The following ASAP3 variants were observed in gnomAD, a reference collection of about 807,000 sequenced individuals.
ASAP3 encodes ArfGAP with SH3 domain, ankyrin repeat and PH domain 3.
ASAP3 carries 85 observed loss-of-function variants against 118.2 expected under a neutral mutation model. That is an observed-to-expected ratio of 0.72 (90% CI 0.60 to 0.86). The LOEUF is 0.86. Ranked by LOEUF, ASAP3 falls within the 40% of genes least tolerant of loss-of-function variation. The pLI is 0.00. For synonymous variants in ASAP3, 432 were observed against 477.4 expected, an observed-to-expected ratio of 0.90 and a Z score of 1.24; for missense variants, 1,026 against 1,175.0, an observed-to-expected ratio of 0.87 and a Z score of 1.85.
chr1:23,484,092 G>T lies in ASAP3; in HGVS notation c.42C>A (p.Thr14=), dbSNP rs992482564. The T allele has an allele frequency of 3.7e-6, 5 of 1,346,624 alleles. No homozygotes were observed. Among genetic ancestry groups the T allele is most frequent in the Admixed American group, 6.9e-5 (2 of 29,026 alleles). The allele number at this position is 1,346,624 out of a possible 1,614,324, so 83.4% of individuals were successfully genotyped here. ...CAGCCGGGGAGCTGAGGTCCTCCGC[G>T]GTGACGGCCAGGAACTCGGCGACGC... The part of the protein sequence containing the change: ...QFSVAEFLAV[T]AEDLSSPAGA... Residue 14 remains threonine (T), a synonymous_variant, in exon 1 of 25, where the codon ACC becomes ACA. Coordinates refer to ENST00000336689, the MANE Select transcript of ASAP3 (RefSeq NM_017707.4).
rs1570332864 is a variant in ASAP3, at chr1:23,435,950, T to C, written c.1650A>G (p.Arg550=). Reference sequence around the variant, plus strand: ...CCCTGTTGCAAATGGCTGTCCAGAGTCGCTGAGGCTCAGGTGTGCACCGGC... The same window carrying C: ...CCCTGTTGCAAATGGCTGTCCAGAGCCGCTGAGGCTCAGGTGTGCACCGGC... The part of the protein sequence containing the change: ...FARRCTPEPQ[R]LWTAICNRDL... The change falls in exon 17 of 25, where the codon CGA becomes CGG. Residue 550 remains arginine, a synonymous_variant. Coordinates refer to ENST00000336689, the MANE Select transcript of ASAP3 (RefSeq NM_017707.4). 2 of 1,613,956 alleles carry C rather than the reference T, an allele frequency of 1.2e-6. No individual in the cohort carries two copies. Among genetic ancestry groups the C allele is most frequent in the African/African-American group, 1.3e-5 (1 of 74,936 alleles).
chr1:23,431,284 G>GAACTGACC (rs1640422878), intron 23 of ASAP3, among the ~76,000 whole-genome samples, 159 bp from the exon 24 acceptor site: 1 of 152,230 alleles, frequency 6.6e-6, no homozygotes, highest in South Asian at 2.1e-4. Flanking sequence ...AAGAAGGCTG[G>GAACTGACC]AACTGACCTC....
intron 18 of ASAP3, 59 bp from the exon 19 acceptor site, chr1:23,434,428 G>A (rs1294179448): frequency 1.0e-5 from 16 of 1,605,066 alleles, no homozygotes; most frequent in Non-Finnish European, 1.3e-5. Context: ...GGGGATCAAA[G>A]TCAGGGGAAA....
intron 11 of ASAP3, 50 bp downstream of exon 11, chr1:23,439,108 CAGA>C (rs1640776751): frequency 1.9e-6 from 3 of 1,591,794 alleles, no homozygotes; most frequent in Non-Finnish European, 1.7e-6. Context: ...CTCAGAACAC[CAGA>C]AGAAGAGGGT....
chr1:23,480,460 T>C (rs914740730), intron 1 of ASAP3, among the ~76,000 whole-genome samples: 1 of 152,186 alleles, frequency 6.6e-6, no homozygotes, highest in African/African-American at 2.4e-5. Flanking sequence ...CACCTGGAAG[T>C]GTCACCTCCT....
At chr1:23,472,952 TC>T (rs919722385) in intron 1 of ASAP3, among the ~76,000 whole-genome samples, 1 of 152,078 alleles carries the variant, frequency 6.6e-6, no homozygotes, top group African/African-American at 2.4e-5. Flanking sequence ...CAAACCCAAG[TC>T]TGTCTGACTT....
chr1:23,455,300 C>T (rs576131887), intron 3 of ASAP3, among the ~76,000 whole-genome samples: 14 of 152,314 alleles, frequency 9.2e-5, no homozygotes, highest in African/African-American at 3.4e-4. Context: ...GAGCTGCTGT[C>T]ACAGGGTGGC....
intron 3 of ASAP3, among the ~76,000 whole-genome samples, chr1:23,455,675 G>C (rs1050045567): frequency 2.6e-5 from 4 of 152,194 alleles, no homozygotes; most frequent in Non-Finnish European, 4.4e-5. Flanking sequence ...GGAGAACAGA[G>C]AGAAGAGTTA....
intron 1 of ASAP3, among the ~76,000 whole-genome samples, chr1:23,472,606 T>C (rs1641995936): frequency 6.6e-6 from 1 of 152,188 alleles, no homozygotes; most frequent in East Asian, 1.9e-4. Flanking sequence ...AAGGTTTCTC[T>C]TTTTGCTCTG....
upstream of ASAP3, chr1:23,484,278 G>T: frequency 1.4e-6 from 1 of 708,696 alleles, no homozygotes; most frequent in Non-Finnish European, 1.8e-6. Flanking sequence ...CGACCCTCCA[G>T]CCGCTCTCCG....
rs41268117 is a variant in ASAP3, at chr1:23,438,799, C to T, written c.1050G>A (p.Thr350=). 3.8e-3 allele frequency: 6,075 copies of T among 1,614,180 alleles called. 10 individuals are homozygous for T. Among genetic ancestry groups the T allele is most frequent in the Non-Finnish European group, 4.8e-3 (5,631 of 1,180,020 alleles). The change falls in exon 12 of 25, where the codon ACG becomes ACA. Residue 350 remains threonine, a synonymous_variant. Transcript: ENST00000336689. The surrounding 1 kb of genome is among the most constrained non-coding windows in gnomAD (Gnocchi z 4.9). ...CCTCAGGGTTTGGCCTCACTTGGCA[C>T]GTCAGCAGGGTCAGCTTCACCGGGG... ...NRPPVKLTLL[T]CQVRPNPEEK...
chr1:23,442,029 A>C (rs1162033405), intron 7 of ASAP3, among the ~76,000 whole-genome samples, 157 bp downstream of exon 7: 1 of 152,232 alleles, frequency 6.6e-6, no homozygotes, highest in Non-Finnish European at 1.5e-5. Context: ...TAAAGTACTC[A>C]TGCCTGACAC....
Position 23,431,736 on chromosome 1 carries a change from C to T in ASAP3, c.2506G>A (p.Gly836Arg), listed in dbSNP as rs896085148. ...PGTSRPSLTSGTTPSEMYLPV... is the reference protein window; with the variant it reads ...PGTSRPSLTSRTTPSEMYLPV... ...AGGTACATCTCCGAAGGGGTGGTCC[C>T]GGATGTCAGGCTGGGTCTGGAGGTG... is the stretch of plus-strand genomic sequence containing the variant. The change falls in exon 23 of 25, where the codon GGG becomes AGG. Residue 836 changes from glycine (G) to arginine (R), a missense_variant. Transcript: ENST00000336689. 8.5e-6 allele frequency: 13 copies of T among 1,521,620 alleles called. No individual in the cohort carries two copies. The highest frequency in any genetic ancestry group is 4.2e-5 in the African/African-American group (3 of 71,054). The allele number at this position is 1,521,620 out of a possible 1,614,324, so 94.3% of individuals were successfully genotyped here. A position where few individuals can be genotyped will look rare whatever the true frequency, so the allele number is the denominator to read the frequency against.
intron 1 of ASAP3, among the ~76,000 whole-genome samples, chr1:23,481,882 G>A (rs1389962958): frequency 6.6e-6 from 1 of 152,204 alleles, no homozygotes; most frequent in East Asian, 1.9e-4. Flanking sequence ...CCCTAAGAAT[G>A]TGGATGGCAC....
intron 1 of ASAP3, among the ~76,000 whole-genome samples, chr1:23,478,609 A>C (rs1459667092): frequency 1.3e-5 from 2 of 151,342 alleles, no homozygotes; most frequent in Non-Finnish European, 2.9e-5. Flanking sequence ...AAATACAAAA[A>C]ATTATCCGGG....
chr1:23,463,511 C>G (rs1641663080), intron 1 of ASAP3, among the ~76,000 whole-genome samples: 1 of 152,194 alleles, frequency 6.6e-6, no homozygotes, highest in South Asian at 2.1e-4. Context: ...AACTAAGATT[C>G]TAGCCCCAGC....
In ASAP3 at chr1:23,429,947, G is replaced by A. The variant is rs1341604570; in HGVS notation, c.2638-17C>T. 1.2e-6 allele frequency: 2 copies of A among 1,611,328 alleles called. No homozygotes were observed. The highest frequency in any genetic ancestry group is 1.7e-5 in the Admixed American group (1 of 59,854). The stretch of plus-strand genomic sequence containing the variant: ...GATGCCAACCTGCAGAAAGAAGGAT[G>A]AAACTGACATTTTCAAAGCACCTGT... On this transcript the variant is annotated splice_polypyrimidine_tract_variant and intron_variant, in intron 24 of 24. Coordinates refer to ENST00000336689, the MANE Select transcript of ASAP3 (RefSeq NM_017707.4).
rs144367386 is a variant in ASAP3 at position 23,433,119 on chromosome 1, A to G, written c.2281T>C (p.Ser761Pro). 2.3e-5 allele frequency: 37 copies of G among 1,614,086 alleles called. No individual in the cohort carries two copies. The East Asian group carries it at 5.3e-4, about 23-fold the overall frequency. ...GCACACCCTTGGACCAAAGTCCGAG[A>G]AGAGTTTTTGACTGGCAAGGGCGGG... ...CPPPLPVKNS[S>P]RTLVQGCARH... The change falls in exon 22 of 25, where the codon TCT becomes CCT. Residue 761 changes from serine (S) to proline (P), a missense_variant. Coordinates refer to ENST00000336689, the MANE Select transcript of ASAP3 (RefSeq NM_017707.4).
chr1:23,451,549 A>G, intron 4 of ASAP3, 21 bp from the exon 5 acceptor site: 1 of 1,613,448 alleles, frequency 6.2e-7, no homozygotes, highest in Non-Finnish European at 8.5e-7. Context: ...AAAAAGGACA[A>G]TTTGCCCAGA....
Sources: allele counts gnomAD v4.1 joint callset (sites outside exome capture counted in the v4.1 genomes callset), GRCh38; gene constraint gnomAD v4.1.1; non-coding constraint Gnocchi (gnomAD v3.1); transcripts MANE v1.5; gene names NCBI Gene and HGNC (gene_info 2026-07-23, HGNC 2026-07-21).